The following OPALIN variants were observed in gnomAD, a reference collection of about 807,000 sequenced individuals.
The protein encoded by OPALIN is transmembrane protein 10.
OPALIN carries 15 observed loss-of-function variants against 17.8 expected under a neutral mutation model. That is an observed-to-expected ratio of 0.84 (90% CI 0.56 to 1.29). The LOEUF (loss-of-function observed/expected upper bound fraction) is 1.29. Among genes scored for constraint, OPALIN ranks in the 50% most tolerant of loss-of-function variants. OPALIN has a pLI of 0.00. For synonymous variants in OPALIN, 62 were observed against 63.8 expected (o/e 0.97, Z 0.14); for missense variants, 170 against 176.0 (o/e 0.97, Z 0.19).
intron 1 of OPALIN, among the ~76,000 whole-genome samples, chr10:96,358,326 TCTC>T (rs1302941121): frequency 2.6e-5 from 4 of 151,710 alleles, no homozygotes; most frequent in African/African-American, 9.7e-5. Context: ...AATGGCAGGG[TCTC>T]CTCCTATTCT....
chr10:96,351,443 AC>A (rs746666918), intron 2 of OPALIN, 33 bp from the exon 3 acceptor site: 1 of 1,440,094 alleles, frequency 6.9e-7, no homozygotes, highest in Non-Finnish European at 9.5e-7. Flanking sequence ...TTGTAAAAGA[AC>A]AAAAAGTCTA....
At chr10:96,358,037 G>A (rs1415680893) in intron 1 of OPALIN, among the ~76,000 whole-genome samples, 3 of 151,700 alleles carry the variant, frequency 2.0e-5, no homozygotes, top group African/African-American at 7.3e-5. Context: ...CCCCATGAAG[G>A]GAGCACTATT....
intron 1 of OPALIN, among the ~76,000 whole-genome samples, chr10:96,356,203 C>T (rs1490639348): frequency 6.6e-6 from 1 of 152,230 alleles, no homozygotes. Context: ...GCTGGGCCCT[C>T]CTTCAGCCTC....
Position 96,349,956 on chromosome 10 carries a change from G to T in OPALIN, c.73-130C>A, listed in dbSNP as rs112235927. On this transcript the variant is annotated intron_variant, in intron 3 of 5. Transcript: ENST00000371172. ...TAAACGTCATATACAAAATCAAAAG[G>T]GTAATGAAATACTGTGCAAAAATGT... is the stretch of plus-strand genomic sequence containing the variant. 7 of 1,012,242 alleles carry T rather than the reference G, an allele frequency of 6.9e-6. No individual in the cohort carries two copies. In the South Asian group the frequency reaches 1.0e-4, roughly 14 times the overall value. The allele number at this position is 1,012,242 out of a possible 1,614,324, so 62.7% of individuals were successfully genotyped here. A position where few individuals can be genotyped will look rare whatever the true frequency, so the allele number is the denominator to read the frequency against.
At chr10:96,351,817 T>C (rs1453967800) in intron 2 of OPALIN, among the ~76,000 whole-genome samples, 3 of 152,302 alleles carry the variant, frequency 2.0e-5, no homozygotes, top group East Asian at 3.9e-4. Context: ...TTTTCAAGTA[T>C]GTGATGAAAC....
intron 1 of OPALIN, among the ~76,000 whole-genome samples, chr10:96,358,029 C>T (rs932836291): frequency 5.3e-5 from 8 of 151,698 alleles, no homozygotes; most frequent in African/African-American, 1.9e-4. Context: ...CACAACCTCC[C>T]CATGAAGGGA....
intron 2 of OPALIN, among the ~76,000 whole-genome samples, chr10:96,354,375 C>A (rs1440939798): frequency 6.6e-6 from 1 of 152,126 alleles, no homozygotes; most frequent in Admixed American, 6.5e-5. Context: ...AGAATACATA[C>A]AAGGAAATTA....
intron 2 of OPALIN, among the ~76,000 whole-genome samples, chr10:96,352,153 G>T (rs1249083351): frequency 6.6e-6 from 1 of 152,200 alleles, no homozygotes; most frequent in South Asian, 2.1e-4. Context: ...TATCTACAGG[G>T]ATAGTAGTAG....
At chr10:96,355,129 AAAAAAAAGAAAG>A in intron 2 of OPALIN, 114 bp downstream of exon 2, 3 of 279,796 alleles carry the variant, frequency 1.1e-5, no homozygotes, top group Non-Finnish European at 1.9e-5. Flanking sequence ...AAAAAAAAAA[AAAAAAAAGAAAG>A]TCTGTGTAAC....
intron 2 of OPALIN, among the ~76,000 whole-genome samples, chr10:96,355,026 G>A (rs1845747104): frequency 7.7e-6 from 1 of 130,512 alleles, no homozygotes; most frequent in South Asian, 2.5e-4. Context: ...GAACCCAGGA[G>A]GTGGAAGTTG....
chr10:96,358,854 A>G (rs763504529), intron 1 of OPALIN, 40 bp downstream of exon 1: 2 of 1,610,390 alleles, frequency 1.2e-6, no homozygotes, highest in African/African-American at 2.7e-5. Context: ...ATAGTAAGAA[A>G]TGAAAGTTCG....
chr10:96,347,690 C>T (rs1845395481), intron 5 of OPALIN, among the ~76,000 whole-genome samples: 1 of 152,052 alleles, frequency 6.6e-6, no homozygotes, highest in Non-Finnish European at 1.5e-5. Context: ...CCAGGCTGGT[C>T]TCAAACTCCT....
intron 1 of OPALIN, 49 bp downstream of exon 1, chr10:96,358,845 T>C (rs1845912022): frequency 1.2e-5 from 20 of 1,600,118 alleles, no homozygotes; most frequent in African/African-American, 2.7e-5. Flanking sequence ...AGGTTTTTTA[T>C]AGTAAGAAAT....
chr10:96,347,905 A>T (rs1845406828), intron 5 of OPALIN, among the ~76,000 whole-genome samples: 1 of 152,208 alleles, frequency 6.6e-6, no homozygotes, highest in Non-Finnish European at 1.5e-5. Context: ...TTTTACTGTT[A>T]GGTATGATGT....
chr10:96,355,832 C>A (rs1301880996), intron 1 of OPALIN, among the ~76,000 whole-genome samples: 6 of 152,152 alleles, frequency 3.9e-5, no homozygotes, highest in Non-Finnish European at 8.8e-5. Flanking sequence ...CTGAAGTGGC[C>A]AGGAGGACAG....
At chr10:96,357,780 A>C (rs544581147) in intron 1 of OPALIN, among the ~76,000 whole-genome samples, 1 of 152,294 alleles carries the variant, frequency 6.6e-6, no homozygotes, top group African/African-American at 2.4e-5. Flanking sequence ...GTTCTTGTGG[A>C]ATGGAATTGC....
intron 1 of OPALIN, among the ~76,000 whole-genome samples, chr10:96,357,311 C>T (rs904564773): frequency 4.6e-5 from 7 of 152,150 alleles, no homozygotes; most frequent in Non-Finnish European, 7.3e-5. Context: ...ATTCGGATGA[C>T]GGAGATTTTG....
intron 2 of OPALIN, 95 bp downstream of exon 2, chr10:96,355,160 G>A (rs545340930): frequency 8.4e-5 from 59 of 704,058 alleles, no homozygotes; most frequent in African/African-American, 1.1e-4. Context: ...ACTTATCACC[G>A]TGTGTGAGGG....
chr10:96,349,606 T>C (rs1845485377), intron 4 of OPALIN, 101 bp downstream of exon 4: 1 of 1,332,002 alleles, frequency 7.5e-7, no homozygotes. Flanking sequence ...CCTCAGGAAA[T>C]AGACATGGGC....
Sources: allele counts gnomAD v4.1 joint callset (sites outside exome capture counted in the v4.1 genomes callset), GRCh38; gene constraint gnomAD v4.1.1; transcripts MANE v1.5; gene names NCBI Gene and HGNC (gene_info 2026-07-23, HGNC 2026-07-21).